The following PPP3CA variants were observed in gnomAD, a reference collection of about 807,000 sequenced individuals.
PPP3CA encodes the protein CAM-PRP catalytic subunit.
In PPP3CA, 14 loss-of-function variants were observed where a neutral mutation model predicts 66.5. The observed-to-expected ratio is 0.21, with a 90% CI of 0.14 to 0.33. PPP3CA has a LOEUF of 0.33. Among genes scored for constraint, PPP3CA ranks in the 10% least tolerant of loss-of-function variants. The pLI, the probability that PPP3CA is intolerant of heterozygous loss-of-function variation, is 1.00. For missense variants in PPP3CA, 317 were observed against 639.5 expected, an observed-to-expected ratio of 0.50 and a Z score of 5.44; for synonymous variants, 232 against 226.2, an observed-to-expected ratio of 1.03 and a Z score of -0.23.
intron 11 of PPP3CA, among the ~76,000 whole-genome samples, chr4:101,039,725 T>G (rs1432336898): frequency 1.4e-5 from 2 of 144,198 alleles, no homozygotes; most frequent in Non-Finnish European, 3.1e-5. Flanking sequence ...GAGAAAGAGT[T>G]GGGGCAAAAA....
In PPP3CA at chr4:101,157,226, T is replaced by A. The variant is rs140609818; in HGVS notation, c.259+38690A>T. ...ATGAAAAATGTTTCTGTATGCAAAG[T>A]ACCTCCAGGTAAACTGCAACTGCAG... On this transcript the variant is annotated intron_variant, in intron 2 of 13. Transcript: ENST00000394854. Among the ~76,000 whole-genome samples, 591 of 152,310 alleles carry A rather than the reference T, an allele frequency of 3.9e-3. 5 individuals are homozygous for A. Among genetic ancestry groups the A allele is most frequent in the African/African-American group, 0.013 (560 of 41,568 alleles).
intron 2 of PPP3CA, among the ~76,000 whole-genome samples, chr4:101,129,217 G>A (rs995108852): frequency 9.2e-5 from 14 of 152,160 alleles, no homozygotes; most frequent in East Asian, 7.7e-4. Flanking sequence ...TCTGGGCAGG[G>A]CATCTCTGAA....
intron 3 of PPP3CA, among the ~76,000 whole-genome samples, chr4:101,104,039 T>C (rs1044165600): frequency 6.6e-6 from 1 of 152,088 alleles, no homozygotes; most frequent in Non-Finnish European, 1.5e-5. Flanking sequence ...AAGACTGGGG[T>C]GGGGGTAATG....
intron 1 of PPP3CA, among the ~76,000 whole-genome samples, chr4:101,255,106 C>A (rs72919782): frequency 0.038 from 5,656 of 150,134 alleles, 338 homozygotes; most frequent in African/African-American, 0.13. Context: ...CAAAGTTCCT[C>A]TTATTTTTTT....
chr4:101,173,083 G>A (rs945911866), intron 2 of PPP3CA, among the ~76,000 whole-genome samples: 27 of 152,146 alleles, frequency 1.8e-4, no homozygotes, highest in Admixed American at 1.6e-3. Flanking sequence ...TCCTCTTAGT[G>A]TAAAAGTAGA....
chr4:101,306,529 G>A (rs1728539757), intron 1 of PPP3CA, among the ~76,000 whole-genome samples: 1 of 152,040 alleles, frequency 6.6e-6, no homozygotes, highest in African/African-American at 2.4e-5. Flanking sequence ...ATAGATATAT[G>A]AGCTACAGAA....
intron 1 of PPP3CA, among the ~76,000 whole-genome samples, chr4:101,340,337 T>C (rs1271430099): frequency 3.5e-4 from 53 of 152,180 alleles, no homozygotes; most frequent in Admixed American, 3.5e-3. Context: ...TTCCTCTCTA[T>C]GATGGTCTCA....
At chr4:101,266,361 G>A (rs1479784543) in intron 1 of PPP3CA, among the ~76,000 whole-genome samples, 1 of 151,990 alleles carries the variant, frequency 6.6e-6, no homozygotes, top group East Asian at 1.9e-4. Context: ...AAATAAATAG[G>A]ATTATTAAGT....
intron 2 of PPP3CA, among the ~76,000 whole-genome samples, chr4:101,152,688 C>T (rs571070932): frequency 2.0e-5 from 3 of 152,280 alleles, no homozygotes; most frequent in African/African-American, 7.2e-5. Flanking sequence ...ACCAATCAAC[C>T]AGTCAATCTG....
At chr4:101,135,222 A>G (rs1287078670) in intron 2 of PPP3CA, among the ~76,000 whole-genome samples, 1 of 144,488 alleles carries the variant, frequency 6.9e-6, no homozygotes, top group Non-Finnish European at 1.5e-5. Context: ...GTATAATAAC[A>G]ATAAAAAAAT....
intron 1 of PPP3CA, among the ~76,000 whole-genome samples, chr4:101,326,005 C>T (rs1578194588): frequency 6.6e-6 from 1 of 151,940 alleles, no homozygotes; most frequent in African/African-American, 2.4e-5. Flanking sequence ...CAGGTGGGGT[C>T]GCATGTGCCT....
At chr4:101,256,408 C>A (rs1457494510) in intron 1 of PPP3CA, among the ~76,000 whole-genome samples, 4 of 151,952 alleles carry the variant, frequency 2.6e-5, no homozygotes, top group Non-Finnish European at 5.9e-5. Context: ...TTGCTAATTA[C>A]ATGATGGTAC....
chr4:101,184,525 T>C (rs901315599), intron 2 of PPP3CA, among the ~76,000 whole-genome samples: 6 of 152,200 alleles, frequency 3.9e-5, no homozygotes, highest in African/African-American at 1.4e-4. Context: ...CAAAATATGT[T>C]ATTAACAATT....
intron 1 of PPP3CA, among the ~76,000 whole-genome samples, chr4:101,222,478 G>A (rs1725658059): frequency 6.6e-6 from 1 of 151,524 alleles, no homozygotes; most frequent in Non-Finnish European, 1.5e-5. Context: ...ATACACAAAA[G>A]ATTAACTTCA....
At chr4:101,323,315 A>G (rs1191834185) in intron 1 of PPP3CA, among the ~76,000 whole-genome samples, 1 of 152,212 alleles carries the variant, frequency 6.6e-6, no homozygotes, top group Non-Finnish European at 1.5e-5. Context: ...GTGCTACTAT[A>G]GGGCTTTGGG....
rs554550031 is a variant in PPP3CA at position 101,288,412 on chromosome 4, T to C, written c.58+58327A>G. ...TTGCAAGGCTGTCATTACAAATGCA[T>C]TGGAATACTAATGTGGAATTAATTA... On this transcript the variant is annotated intron_variant, in intron 1 of 13. Transcript: ENST00000394854. Among the ~76,000 whole-genome samples, 3 of 152,238 alleles carry C rather than the reference T, an allele frequency of 2.0e-5. No homozygotes were observed. In the South Asian group the frequency reaches 6.2e-4, roughly 32 times the overall value.
At chr4:101,096,365 A>C (rs1267159318) in intron 5 of PPP3CA, among the ~76,000 whole-genome samples, 1 of 152,210 alleles carries the variant, frequency 6.6e-6, no homozygotes, top group African/African-American at 2.4e-5. Flanking sequence ...TCATTAACAA[A>C]AGTATTAAAG....
chr4:101,257,074 G>C (rs966193797), intron 1 of PPP3CA, among the ~76,000 whole-genome samples: 1 of 151,896 alleles, frequency 6.6e-6, no homozygotes, highest in African/African-American at 2.4e-5. Context: ...TGTGACCTTG[G>C]ATGGGTCACT....
rs143175376 is a variant in PPP3CA at position 101,317,445 on chromosome 4, A to C, written c.58+29294T>G. On this transcript the variant is annotated intron_variant, in intron 1 of 13. Coordinates refer to ENST00000394854, the MANE Select transcript of PPP3CA (RefSeq NM_000944.5). ...ATCTCCCCATAATCTTTAATGCAAG[A>C]CTAAACATTCCCAGTATCTAAAAAT... Among the ~76,000 whole-genome samples the C allele has an allele frequency of 7.9e-4, 120 of 152,300 alleles. 1 individual carries two copies. Among genetic ancestry groups the C allele is most frequent in the Non-Finnish European group, 1.4e-3 (97 of 68,024 alleles).
Sources: allele counts gnomAD v4.1 joint callset (sites outside exome capture counted in the v4.1 genomes callset), GRCh38; gene constraint gnomAD v4.1.1; transcripts MANE v1.5; gene names NCBI Gene and HGNC (gene_info 2026-07-23, HGNC 2026-07-21).